Variants in BARX2 observed in about 807,000 individuals in gnomAD.
BARX2 encodes the protein homeobox protein BarH-like 2.
BARX2 carries 11 observed loss-of-function variants against 25.5 expected under a neutral mutation model. The ratio of observed to expected loss-of-function variants is 0.43; its 90% CI spans 0.27 to 0.71. The LOEUF is 0.71. BARX2 is among the 30% of genes least tolerant of loss of function. BARX2 has a pLI of 0.19. For synonymous variants in BARX2, 137 were observed against 149.5 expected (o/e 0.92, Z 0.61); for missense variants, 360 against 359.9 (o/e 1.00, Z 0.00).
chr11:129,433,574 A>G (rs745314933), intron 1 of BARX2, among the ~76,000 whole-genome samples: 8 of 151,704 alleles, frequency 5.3e-5, no homozygotes, highest in Non-Finnish European at 1.0e-4. Context: ...GCCCTTGCCT[A>G]CTCTGCCTTT....
At chr11:129,416,775 G>T (rs1861947559) in intron 1 of BARX2, among the ~76,000 whole-genome samples, 1 of 151,658 alleles carries the variant, frequency 6.6e-6, no homozygotes, top group Non-Finnish European at 1.5e-5. Context: ...TGGATGGATG[G>T]TTTCCACTGA....
chr11:129,430,274 C>T (rs536862799), intron 1 of BARX2, among the ~76,000 whole-genome samples: 25 of 144,964 alleles, frequency 1.7e-4, no homozygotes, highest in African/African-American at 5.6e-4. Context: ...GGGTTTTTGG[C>T]TATCCATTCA....
intron 1 of BARX2, among the ~76,000 whole-genome samples, chr11:129,417,898 C>T (rs2048715016): frequency 6.6e-6 from 1 of 152,012 alleles, no homozygotes; most frequent in Non-Finnish European, 1.5e-5. Context: ...GTTCTGGTAC[C>T]CATCTTATTA....
intron 1 of BARX2, among the ~76,000 whole-genome samples, chr11:129,386,390 A>C (rs1452468749): frequency 6.6e-6 from 1 of 152,214 alleles, no homozygotes; most frequent in African/African-American, 2.4e-5. Flanking sequence ...GATTGAACCA[A>C]ATAATCTAAA....
At chr11:129,393,352 T>C (rs1180962711) in intron 1 of BARX2, among the ~76,000 whole-genome samples, 1 of 152,174 alleles carries the variant, frequency 6.6e-6, no homozygotes, top group Non-Finnish European at 1.5e-5. Context: ...TTTTGAAAAG[T>C]ATGGTGCTGG....
chr11:129,418,056 A>C (rs1357574276), intron 1 of BARX2, among the ~76,000 whole-genome samples: 1 of 152,126 alleles, frequency 6.6e-6, no homozygotes, highest in Non-Finnish European at 1.5e-5. Flanking sequence ...TGTAATCCTG[A>C]GCTTAGAACC....
At chr11:129,435,781 A>G (rs1420222353) in intron 1 of BARX2, among the ~76,000 whole-genome samples, 1 of 152,238 alleles carries the variant, frequency 6.6e-6, no homozygotes. Flanking sequence ...TCTGTGTTGA[A>G]TAATCAAAGG....
In BARX2 at chr11:129,427,722, C is replaced by T. The variant is rs148021443; in HGVS notation, c.188-9029C>T. 1.4e-4 allele frequency among the ~76,000 whole-genome samples: 21 copies of T among 152,184 alleles called. No homozygotes were observed. The East Asian group carries it at 3.3e-3, about 24-fold the overall frequency. On this transcript the variant is annotated intron_variant, in intron 1 of 3. Transcript: ENST00000281437. ...AGAAACTGTACTTGGGGGATTTTGC[C>T]CTGAGGTTCAAGTATGGCTGTAGCT...
rs755010364 is a variant in BARX2, at chr11:129,376,117, G to C, written c.82G>C (p.Asp28His). 1 of 1,613,142 alleles carries C rather than the reference G, an allele frequency of 6.2e-7. No homozygotes were observed. Among genetic ancestry groups the C allele is most frequent in the East Asian group, 2.2e-5 (1 of 44,706 alleles). Reference protein sequence around the residue: ...ARRRYKTFMIDEILSKETCDY... With the variant: ...ARRRYKTFMIHEILSKETCDY... ...GCGGCGCTACAAGACTTTCATGATCGACGAGATCCTCTCCAAGGAGACCTG... is the reference window on the plus strand; with the variant it reads ...GCGGCGCTACAAGACTTTCATGATCCACGAGATCCTCTCCAAGGAGACCTG... Residue 28 changes from aspartate to histidine, a missense_variant, in exon 1 of 4, where the codon GAC becomes CAC. By Grantham distance (81) the Asp-to-His change is moderately conservative. This residue lies in a region of BARX2 where 240 missense variants were observed against 228.7 expected (regional missense o/e 1.05). Transcript: ENST00000281437. This position sits in a 1 kb window ranked among gnomAD's most constrained non-coding sequence, Gnocchi z 4.2.
intron 1 of BARX2, among the ~76,000 whole-genome samples, chr11:129,414,104 G>T (rs1021941191): frequency 1.7e-4 from 26 of 152,008 alleles, no homozygotes; most frequent in African/African-American, 5.3e-4. Context: ...ATAGCTCGGG[G>T]ATTATTTAGG....
upstream of BARX2, among the ~76,000 whole-genome samples, chr11:129,375,754 C>T (rs962556994): frequency 3.9e-5 from 6 of 152,174 alleles, no homozygotes; most frequent in Non-Finnish European, 5.9e-5. The surrounding 1 kb of genome is among the most constrained non-coding windows in gnomAD (Gnocchi z 4.0). Context: ...GGCGCGGACG[C>T]CCCTCAGCAC....
intron 3 of BARX2, among the ~76,000 whole-genome samples, chr11:129,449,497 TCTCA>T (rs1272179280): frequency 6.6e-6 from 1 of 152,206 alleles, no homozygotes; most frequent in Non-Finnish European, 1.5e-5. Flanking sequence ...TGGAAGCCCT[TCTCA>T]CTAACTGCCC....
At chr11:129,440,442 C>A (rs1239598852) in intron 2 of BARX2, among the ~76,000 whole-genome samples, 1 of 152,196 alleles carries the variant, frequency 6.6e-6, no homozygotes, top group Non-Finnish European at 1.5e-5. Context: ...CCTGGGAGAC[C>A]AGAAGTCTGT....
intron 1 of BARX2, among the ~76,000 whole-genome samples, chr11:129,414,036 A>C (rs930561578): frequency 5.9e-5 from 9 of 151,796 alleles, no homozygotes; most frequent in African/African-American, 2.2e-4. Context: ...ACTGCACTCC[A>C]GCCTGGGAGG....
chr11:129,375,504 G>T (rs1024991849), upstream of BARX2, among the ~76,000 whole-genome samples: 12 of 152,164 alleles, frequency 7.9e-5, no homozygotes, highest in Non-Finnish European at 1.3e-4. The surrounding 1 kb of genome is among the most constrained non-coding windows in gnomAD (Gnocchi z 4.0). Context: ...GGAGCTACCG[G>T]CCTGGGCCTT....
rs557204147 is a variant in BARX2 at position 129,381,934 on chromosome 11, G to A, written c.187+5712G>A. ...CAAAGCTGGCTTGTGAAATTCTGTCGCTCCATGGGTACTAAATGGCTAAAG... is the reference window on the plus strand; with the variant it reads ...CAAAGCTGGCTTGTGAAATTCTGTCACTCCATGGGTACTAAATGGCTAAAG... On this transcript the variant is annotated intron_variant, in intron 1 of 3. Transcript: ENST00000281437. 1.4e-4 allele frequency among the ~76,000 whole-genome samples: 22 copies of A among 152,270 alleles called. No homozygotes were observed. The South Asian group carries it at 2.1e-3, about 14-fold the overall frequency.
upstream of BARX2, among the ~76,000 whole-genome samples, chr11:129,375,419 G>T (rs994172807): frequency 6.6e-6 from 1 of 152,210 alleles, no homozygotes; most frequent in Non-Finnish European, 1.5e-5. The surrounding 1 kb of genome is among the most constrained non-coding windows in gnomAD (Gnocchi z 4.0). Flanking sequence ...CCTCCCGCTG[G>T]GCTGCGGACA....
At chr11:129,400,827 A>G (rs538375223) in intron 1 of BARX2, among the ~76,000 whole-genome samples, 3 of 152,342 alleles carry the variant, frequency 2.0e-5, no homozygotes, top group South Asian at 2.1e-4. Context: ...GACTCCCAGC[A>G]TATAATGGGC....
At chr11:129,379,089 C>T (rs1018677086) in intron 1 of BARX2, among the ~76,000 whole-genome samples, 2 of 152,142 alleles carry the variant, frequency 1.3e-5, no homozygotes, top group African/African-American at 4.8e-5. Context: ...ATTATAAACA[C>T]AATAATTTTA....
Sources: gnomAD v4.1 joint callset for allele counts (sites outside exome capture counted in the v4.1 genomes callset) on GRCh38, gnomAD v4.1.1 for gene constraint, gnomAD v4.1.1 regional missense constraint, Gnocchi (gnomAD v3.1) non-coding constraint, MANE v1.5 for transcripts, NCBI Gene and HGNC (gene_info 2026-07-23, HGNC 2026-07-21) for gene names.